Variants in GALNT17 observed in about 807,000 individuals in gnomAD.
GALNT17 encodes the protein UDP-GalNAc:polypeptide N-acetylgalactosaminyltransferase-like 3.
Under a neutral mutation model 63.7 loss-of-function variants are expected in GALNT17, and 29 were observed. That is an observed-to-expected ratio of 0.46 (90% confidence interval 0.34 to 0.62). The LOEUF (loss-of-function observed/expected upper bound fraction) is 0.62, where lower values mean the gene tolerates loss of function less well. Among genes scored for constraint, GALNT17 ranks in the 20% least tolerant of loss-of-function variants. The probability of loss-of-function intolerance (pLI) is 0.01; values close to 1 mark genes in which losing one functional copy is unlikely to be tolerated. For missense variants in GALNT17, 603 were observed against 799.6 expected (o/e 0.75, Z 2.97); for synonymous variants, 305 against 318.3 (o/e 0.96, Z 0.45).
At chr7:71,656,218 G>A (rs537732105) in intron 6 of GALNT17, among the ~76,000 whole-genome samples, 1 of 151,942 alleles carries the variant, frequency 6.6e-6, no homozygotes, top group Non-Finnish European at 1.5e-5. Context: ...TTTTTTGCAC[G>A]CCCACATGCT....
At chr7:71,410,562 A>G (rs1453918392) in intron 3 of GALNT17, among the ~76,000 whole-genome samples, 1 of 152,178 alleles carries the variant, frequency 6.6e-6, no homozygotes, top group Non-Finnish European at 1.5e-5. Flanking sequence ...TTAATTTTAT[A>G]AAGTGTATAG....
chr7:71,497,248 AAC>A (rs1250458531), intron 5 of GALNT17, among the ~76,000 whole-genome samples: 3 of 152,180 alleles, frequency 2.0e-5, no homozygotes, highest in African/African-American at 7.2e-5. Flanking sequence ...ATGCTGCCAT[AAC>A]ACACATTGTG....
At chr7:71,162,404 T>TCATCCATCCATC (rs547638443) in intron 1 of GALNT17, among the ~76,000 whole-genome samples, 1 of 149,348 alleles carries the variant, frequency 6.7e-6, no homozygotes, top group Non-Finnish European at 1.5e-5. Context: ...TGAATTGAGT[T>TCATCCATCCATC]CATCCATCCA....
At chr7:71,602,425 G>C (rs1562706650) in intron 6 of GALNT17, among the ~76,000 whole-genome samples, 1 of 152,110 alleles carries the variant, frequency 6.6e-6, no homozygotes, top group East Asian at 1.9e-4. Flanking sequence ...GGTAACCTAG[G>C]AAGCCAATAA....
chr7:71,647,998 A>G (rs757360744), intron 6 of GALNT17, among the ~76,000 whole-genome samples: 2 of 152,160 alleles, frequency 1.3e-5, no homozygotes, highest in South Asian at 4.1e-4. Flanking sequence ...TGTAACCCCT[A>G]TGCCAACATC....
chr7:71,211,773 G>T (rs1789382740), intron 1 of GALNT17, among the ~76,000 whole-genome samples: 1 of 152,184 alleles, frequency 6.6e-6, no homozygotes, highest in Non-Finnish European at 1.5e-5. Flanking sequence ...TTAGCTAAGA[G>T]ACTGGCAACA....
Position 71,428,477 on chromosome 7 carries a change from T to A in GALNT17, c.962+7372T>A, listed in dbSNP as rs1786800926. Among the ~76,000 whole-genome samples the A allele has an allele frequency of 2.0e-5, 3 of 152,268 alleles. No homozygotes were observed. The South Asian group carries it at 6.2e-4, about 32-fold the overall frequency. On this transcript the variant is annotated intron_variant, in intron 5 of 10. Transcript: ENST00000333538. Reference sequence around the variant, plus strand: ...TTTTTTGAGACAGAATCTCTCCCTGTCACCCAAGCTGGAATGCAGTGGTGT... The same window carrying A: ...TTTTTTGAGACAGAATCTCTCCCTGACACCCAAGCTGGAATGCAGTGGTGT...
intron 1 of GALNT17, among the ~76,000 whole-genome samples, chr7:71,267,283 G>A (rs1313601869): frequency 6.6e-6 from 1 of 152,174 alleles, no homozygotes; most frequent in African/African-American, 2.4e-5. Flanking sequence ...TTGCCAGGAT[G>A]CCCTTCTCAG....
intron 6 of GALNT17, among the ~76,000 whole-genome samples, chr7:71,634,884 G>A (rs768445418): frequency 6.6e-6 from 1 of 152,044 alleles, no homozygotes; most frequent in Non-Finnish European, 1.5e-5. Flanking sequence ...TTGACAATTG[G>A]CTGAGTTTAT....
At chr7:71,417,081 A>T (rs1453227904) in intron 4 of GALNT17, among the ~76,000 whole-genome samples, 2 of 152,186 alleles carry the variant, frequency 1.3e-5, no homozygotes, top group African/African-American at 2.4e-5. Flanking sequence ...AATAACCTGT[A>T]CCCTGGGTTG....
At chr7:71,415,025 TTAGACAC>T (rs891440734) in intron 3 of GALNT17, among the ~76,000 whole-genome samples, 22 of 152,102 alleles carry the variant, frequency 1.4e-4, no homozygotes, top group African/African-American at 5.3e-4. Context: ...ATTCTTAAAA[TTAGACAC>T]CAGGTCTTTC....
chr7:71,581,490 C>A (rs6960690), intron 6 of GALNT17, among the ~76,000 whole-genome samples: 17,234 of 151,994 alleles, frequency 0.11, 1,622 homozygotes, highest in African/African-American at 0.27. Flanking sequence ...CGTGAGAACT[C>A]ACTCACTATC....
intron 1 of GALNT17, among the ~76,000 whole-genome samples, chr7:71,263,794 G>C (rs1459611915): frequency 6.6e-6 from 1 of 152,068 alleles, no homozygotes; most frequent in Non-Finnish European, 1.5e-5. Flanking sequence ...CGTGGTGGCA[G>C]GCGCCTGTAG....
chr7:71,529,209 A>G (rs1415678746), intron 5 of GALNT17, among the ~76,000 whole-genome samples: 1 of 152,120 alleles, frequency 6.6e-6, no homozygotes. Flanking sequence ...ATAGGAAATA[A>G]CCCAGGAAAG....
At chr7:71,312,290 C>T (rs541536717) in intron 1 of GALNT17, among the ~76,000 whole-genome samples, 5 of 152,316 alleles carry the variant, frequency 3.3e-5, no homozygotes, top group South Asian at 2.1e-4. Flanking sequence ...TGAATTTCTT[C>T]CTGGGCAAAG....
chr7:71,572,612 A>G (rs1789466713), intron 6 of GALNT17, among the ~76,000 whole-genome samples: 1 of 151,920 alleles, frequency 6.6e-6, no homozygotes, highest in African/African-American at 2.4e-5. Context: ...TGAGTGACAC[A>G]TCCATTACCT....
At chr7:71,554,710 C>A (rs892375152) in intron 5 of GALNT17, among the ~76,000 whole-genome samples, 1 of 152,170 alleles carries the variant, frequency 6.6e-6, no homozygotes, top group Non-Finnish European at 1.5e-5. Context: ...TTTGCCTTCC[C>A]ATCCTCAAAC....
intron 5 of GALNT17, among the ~76,000 whole-genome samples, chr7:71,456,858 A>T (rs1055857375): frequency 2.0e-5 from 3 of 152,134 alleles, no homozygotes; most frequent in African/African-American, 7.2e-5. Flanking sequence ...TTACTTTTAT[A>T]CATTTTAGGG....
intron 9 of GALNT17, among the ~76,000 whole-genome samples, chr7:71,687,908 A>C (rs1049462712): frequency 5.3e-5 from 8 of 151,904 alleles, no homozygotes; most frequent in African/African-American, 1.7e-4. Context: ...GTGTTGCCCA[A>C]GCTGGTCTCA....
Sources: allele counts gnomAD v4.1 joint callset (sites outside exome capture counted in the v4.1 genomes callset), GRCh38; gene constraint gnomAD v4.1.1; transcripts MANE v1.5; gene names NCBI Gene and HGNC (gene_info 2026-07-23, HGNC 2026-07-21).